Variants in ALMS1 observed in about 807,000 individuals in gnomAD.
The protein encoded by ALMS1 is ALMS1 centrosome and basal body associated protein.
A neutral mutation model predicts 352.2 loss-of-function variants in ALMS1; 271 were observed. That is an observed-to-expected ratio of 0.77 (90% CI 0.70 to 0.85). The LOEUF (loss-of-function observed/expected upper bound fraction) is 0.85, where lower values mean the gene tolerates loss of function less well. Among genes scored for constraint, ALMS1 ranks in the 40% least tolerant of loss-of-function variants. The probability of loss-of-function intolerance (pLI) is 0.00; values close to 1 mark genes in which losing one functional copy is unlikely to be tolerated. For synonymous variants in ALMS1, 1,865 were observed against 1,761.2 expected (o/e 1.06, Z -1.48); for missense variants, 5,445 against 4,870.7 (o/e 1.12, Z -3.51).
chr2:73,418,982 G>A, intron 2 of ALMS1, 141 bp from the exon 3 acceptor site: 3 of 748,854 alleles, frequency 4.0e-6, no homozygotes, highest in Non-Finnish European at 6.6e-6. Context: ...GAGAACAACA[G>A]CTTTACATTT....
intron 16 of ALMS1, among the ~76,000 whole-genome samples, chr2:73,585,060 C>A (rs974601499): frequency 1.3e-5 from 2 of 152,160 alleles, no homozygotes; most frequent in Non-Finnish European, 2.9e-5. Context: ...CATGTTTTTG[C>A]AATTGCGAAT....
intron 13 of ALMS1, among the ~76,000 whole-genome samples, chr2:73,554,939 C>T (rs912128071): frequency 2.0e-5 from 3 of 151,886 alleles, no homozygotes; most frequent in South Asian, 2.1e-4. Context: ...ATAAACAATA[C>T]GGTACTTAGG....
At chr2:73,460,593 A>G (rs1672169962) in intron 9 of ALMS1, among the ~76,000 whole-genome samples, 1 of 152,158 alleles carries the variant, frequency 6.6e-6, no homozygotes. Context: ...CAGTGGGTGT[A>G]GGACAGTGGG....
At chr2:73,556,418 A>G (rs1354740271) in intron 13 of ALMS1, among the ~76,000 whole-genome samples, 1 of 152,202 alleles carries the variant, frequency 6.6e-6, no homozygotes, top group African/African-American at 2.4e-5. Flanking sequence ...AAAGAGAAAT[A>G]GTATTAGACA....
rs1050140750 is a variant in ALMS1, at chr2:73,452,759, C to G, written c.6232C>G (p.Pro2078Ala). The G allele has an allele frequency of 5.6e-6, 9 of 1,613,178 alleles. No homozygotes were observed. The highest frequency in any genetic ancestry group is 7.6e-6 in the Non-Finnish European group (9 of 1,179,854). Reference sequence around the variant, plus strand: ...AGGTATTCTAAAGATTTCAGCTGTCCCTGAACTAACTGATGTGAATACTGG... The same window carrying G: ...AGGTATTCTAAAGATTTCAGCTGTCGCTGAACTAACTGATGTGAATACTGG... ...SKGILKISAV[P>A]ELTDVNTGKP... Residue 2078 changes from proline (P) to alanine (A), a missense_variant, in exon 8 of 23, where the codon CCT becomes GCT. Coordinates refer to ENST00000613296, the MANE Select transcript of ALMS1 (RefSeq NM_001378454.1).
chr2:73,454,262 A>G, intron 8 of ALMS1, 195 bp downstream of exon 8: 2 of 967,022 alleles, frequency 2.1e-6, no homozygotes, highest in South Asian at 9.6e-5. Context: ...CTAACAATCC[A>G]TAAAAAGCCT....
At chr2:73,589,786 A>G (rs1320567840) in intron 16 of ALMS1, among the ~76,000 whole-genome samples, 1 of 152,150 alleles carries the variant, frequency 6.6e-6, no homozygotes, top group African/African-American at 2.4e-5. Flanking sequence ...CCCCAGCACC[A>G]CAGAACATGG....
intron 9 of ALMS1, among the ~76,000 whole-genome samples, chr2:73,466,347 A>G (rs1356885670): frequency 6.6e-6 from 1 of 151,976 alleles, no homozygotes; most frequent in Non-Finnish European, 1.5e-5. Context: ...ACATGGATGA[A>G]ACTGGAAACC....
chr2:73,385,830 C>CT, upstream of ALMS1: 1 of 446,608 alleles, frequency 2.2e-6, no homozygotes, highest in South Asian at 2.6e-5. Context: ...CCCTCCCCCC[C>CT]TCCTCCTCCT....
At chr2:73,461,438 C>T (rs750890269) in intron 9 of ALMS1, among the ~76,000 whole-genome samples, 4 of 152,188 alleles carry the variant, frequency 2.6e-5, no homozygotes, top group Non-Finnish European at 4.4e-5. Flanking sequence ...AGGACATCCA[C>T]ACCAAAAACC....
chr2:73,490,127 C>G lies in ALMS1; in HGVS notation c.8168C>G (p.Ser2723Cys), dbSNP rs368409205. 4 of 1,614,070 alleles carry G rather than the reference C, an allele frequency of 2.5e-6. No homozygotes were observed. The highest frequency in any genetic ancestry group is 3.4e-6 in the Non-Finnish European group (4 of 1,180,046). ...ATCACTTTTTCATCTCACCGACATT[C>G]TAAATGCATTTCCAATTCCTCTGTT... is the stretch of plus-strand genomic sequence containing the variant. ...TSITFSSHRH[S>C]KCISNSSVVK... Residue 2723 changes from serine to cysteine, a missense_variant, in exon 10 of 23, where the codon TCT becomes TGT. Transcript: ENST00000613296.
chr2:73,490,543 A>G lies in ALMS1; in HGVS notation c.8584A>G (p.Arg2862Gly). The G allele has an allele frequency of 6.2e-7, 1 of 1,614,208 alleles. No homozygotes were observed. The highest frequency in any genetic ancestry group is 8.5e-7 in the Non-Finnish European group (1 of 1,180,032). Residue 2862 changes from arginine to glycine, a missense_variant, in exon 10 of 23, where the codon AGA becomes GGA. By Grantham distance (125) the Arg-to-Gly change is moderately radical. Coordinates refer to ENST00000613296, the MANE Select transcript of ALMS1 (RefSeq NM_001378454.1). ...CCTAGGAGTAAACAGATCGAGTTCC[A>G]GACTAGGAGTAAAAGAGAAGAATGT... The part of the protein sequence containing the change: ...STLGVNRSSS[R>G]LGVKEKNVTI...
At chr2:73,575,943 T>TTTCTTCTTA (rs1400283906) in intron 16 of ALMS1, among the ~76,000 whole-genome samples, 23 of 152,236 alleles carry the variant, frequency 1.5e-4, no homozygotes, top group Non-Finnish European at 1.5e-5. Flanking sequence ...AAGAGTTTAA[T>TTTCTTCTTA]AATTTTAGCT....
chr2:73,406,285 C>G (rs1439014062), intron 1 of ALMS1, among the ~76,000 whole-genome samples: 2 of 152,132 alleles, frequency 1.3e-5, no homozygotes, highest in African/African-American at 2.4e-5. Context: ...TGTATTTTCT[C>G]TGATATTAGT....
At chr2:73,574,824 G>T (rs889160045) in intron 16 of ALMS1, among the ~76,000 whole-genome samples, 4 of 152,082 alleles carry the variant, frequency 2.6e-5, no homozygotes, top group Non-Finnish European at 4.4e-5. Context: ...CTGTGGCATT[G>T]AGTATATTCA....
chr2:73,485,818 G>A (rs1422476250), intron 9 of ALMS1, among the ~76,000 whole-genome samples: 1 of 152,158 alleles, frequency 6.6e-6, no homozygotes, highest in Admixed American at 6.5e-5. Context: ...CAGTATTCGG[G>A]TGGGAGTGAC....
At chr2:73,572,167 A>T in intron 15 of ALMS1, 95 bp from the exon 16 acceptor site, 2 of 1,051,746 alleles carry the variant, frequency 1.9e-6, no homozygotes, top group Non-Finnish European at 2.7e-6. Context: ...TCTTTCCTTT[A>T]GTCTTTGTTC....
chr2:73,561,194 C>CTG (rs934641608), intron 15 of ALMS1, among the ~76,000 whole-genome samples: 3 of 152,242 alleles, frequency 2.0e-5, no homozygotes, highest in African/African-American at 7.2e-5. Flanking sequence ...GCCCAGGCAG[C>CTG]TGTAGTTCAG....
intron 7 of ALMS1, among the ~76,000 whole-genome samples, chr2:73,437,770 G>A (rs2103747173): frequency 6.6e-6 from 1 of 152,176 alleles, no homozygotes; most frequent in South Asian, 2.1e-4. Context: ...GGTCCTCAAA[G>A]GGCCTAACCA....
Sources: gnomAD v4.1 joint callset for allele counts (sites outside exome capture counted in the v4.1 genomes callset) on GRCh38, gnomAD v4.1.1 for gene constraint, MANE v1.5 for transcripts, NCBI Gene and HGNC (gene_info 2026-07-23, HGNC 2026-07-21) for gene names.